The following RAB11FIP2 variants were observed in gnomAD, a reference collection of about 807,000 sequenced individuals.
RAB11FIP2 encodes the protein RAB11 family interacting protein 2.
A neutral mutation model predicts 40.9 loss-of-function variants in RAB11FIP2; 16 were observed. The observed-to-expected ratio is 0.39, with a 90% CI of 0.26 to 0.59. The LOEUF is 0.59. Among genes scored for constraint, RAB11FIP2 ranks in the 20% least tolerant of loss-of-function variants. The probability of loss-of-function intolerance (pLI) is 0.53; values close to 1 mark genes in which losing one functional copy is unlikely to be tolerated. For synonymous variants in RAB11FIP2, 228 were observed against 213.7 expected (o/e 1.07, Z -0.58); for missense variants, 532 against 606.2 (o/e 0.88, Z 1.28).
chr10:118,029,503 C>A (rs1846387955), intron 3 of RAB11FIP2, among the ~76,000 whole-genome samples: 1 of 152,104 alleles, frequency 6.6e-6, no homozygotes, highest in Non-Finnish European at 1.5e-5. Context: ...CAATGTCCAA[C>A]CCTTAATATG....
intron 3 of RAB11FIP2, among the ~76,000 whole-genome samples, chr10:118,024,617 A>C (rs1008919899): frequency 9.2e-5 from 14 of 152,156 alleles, no homozygotes; most frequent in African/African-American, 3.4e-4. Flanking sequence ...CTACGTGATC[A>C]AGACAGACCC....
At chr10:118,024,655 A>G (rs192879427) in intron 3 of RAB11FIP2, among the ~76,000 whole-genome samples, 73 of 152,236 alleles carry the variant, frequency 4.8e-4, no homozygotes, top group Non-Finnish European at 6.9e-4. Context: ...TTTTCCTGCA[A>G]GGAGGGAGTG....
intron 3 of RAB11FIP2, among the ~76,000 whole-genome samples, chr10:118,020,699 T>C (rs914612686): frequency 4.6e-5 from 7 of 152,230 alleles, no homozygotes; most frequent in Admixed American, 3.9e-4. Context: ...CCTGGTGCTG[T>C]ACTATTCCTT....
Position 118,008,919 on chromosome 10 carries a change from T to G in RAB11FIP2, c.*79A>C. 8.6e-7 allele frequency: 1 copy of G among 1,160,036 alleles called. No individual in the cohort carries two copies. The allele number at this position is 1,160,036 out of a possible 1,614,324, so 71.9% of individuals were successfully genotyped here. A position where few individuals can be genotyped will look rare whatever the true frequency, so the allele number is the denominator to read the frequency against. On this transcript the variant is annotated 3_prime_UTR_variant, in exon 5 of 5. Coordinates refer to ENST00000355624, the MANE Select transcript of RAB11FIP2 (RefSeq NM_014904.3). Reference sequence around the variant, plus strand: ...AATGAAACCTGATAGTGTAGTCTCTTTCAGTAACAAGTTTTTCCTTCCTTC... The same window carrying G: ...AATGAAACCTGATAGTGTAGTCTCTGTCAGTAACAAGTTTTTCCTTCCTTC...
Position 118,040,185 on chromosome 10 carries a change from G to A in RAB11FIP2, c.734C>T (p.Thr245Ile). 17 of 1,613,808 alleles carry A rather than the reference G, an allele frequency of 1.1e-5. No individual in the cohort carries two copies. The highest frequency in any genetic ancestry group is 1.4e-5 in the Non-Finnish European group (17 of 1,179,784). ...HMSSEKLKAG[T>I]IGQTHLLGHQ... is the part of the protein sequence containing the mutation. ...TCCGAGAAGATGTGTTTGACCTATGGTGCCAGCCTTCAGTTTCTCAGAAGA... is the reference window on the plus strand; with the variant it reads ...TCCGAGAAGATGTGTTTGACCTATGATGCCAGCCTTCAGTTTCTCAGAAGA... Residue 245 changes from threonine (T) to isoleucine (I), a missense_variant, in exon 2 of 5, where the codon ACC becomes ATC. Transcript: ENST00000355624.
At chr10:118,035,155 G>C (rs904814789) in intron 3 of RAB11FIP2, among the ~76,000 whole-genome samples, 9 of 152,280 alleles carry the variant, frequency 5.9e-5, no homozygotes, top group African/African-American at 2.2e-4. Context: ...CCTGCTTCCT[G>C]AGAGACTGTG....
At chr10:118,014,382 A>G (rs1441368042) in intron 4 of RAB11FIP2, among the ~76,000 whole-genome samples, 1 of 152,190 alleles carries the variant, frequency 6.6e-6, no homozygotes, top group Non-Finnish European at 1.5e-5. Flanking sequence ...ATATTTTGGC[A>G]AAGTAATTTA....
chr10:118,011,382 C>T (rs1480146473), intron 4 of RAB11FIP2, among the ~76,000 whole-genome samples: 1 of 151,446 alleles, frequency 6.6e-6, no homozygotes, highest in East Asian at 1.9e-4. Flanking sequence ...TATAAGTCTA[C>T]ACACATGCGC....
At chr10:118,019,132 T>C (rs1366476284) in intron 3 of RAB11FIP2, among the ~76,000 whole-genome samples, 4 of 152,142 alleles carry the variant, frequency 2.6e-5, no homozygotes, top group African/African-American at 7.2e-5. Flanking sequence ...AATCTTTCAA[T>C]GAGAAGTCAC....
chr10:118,009,676 C>G (rs951064242), intron 4 of RAB11FIP2, among the ~76,000 whole-genome samples: 1 of 152,100 alleles, frequency 6.6e-6, no homozygotes, highest in Non-Finnish European at 1.5e-5. Flanking sequence ...ATATGTTTGG[C>G]TTCTTAGTGA....
intron 3 of RAB11FIP2, among the ~76,000 whole-genome samples, chr10:118,029,897 C>CA (rs1846392162): frequency 6.6e-6 from 1 of 152,100 alleles, no homozygotes; most frequent in Non-Finnish European, 1.5e-5. Flanking sequence ...TATAAAATCT[C>CA]AGACTTGAAG....
intron 3 of RAB11FIP2, among the ~76,000 whole-genome samples, chr10:118,028,259 T>C (rs1256489633): frequency 1.3e-5 from 2 of 151,758 alleles, no homozygotes; most frequent in African/African-American, 2.4e-5. Context: ...AGCTTAAATA[T>C]ATAAAATACA....
chr10:118,031,784 A>G (rs1455444587), intron 3 of RAB11FIP2, among the ~76,000 whole-genome samples: 1 of 152,154 alleles, frequency 6.6e-6, no homozygotes, highest in African/African-American at 2.4e-5. Context: ...TAGAAATAAT[A>G]TTACAGAACA....
At chr10:118,028,940 C>A (rs1160354277) in intron 3 of RAB11FIP2, among the ~76,000 whole-genome samples, 1 of 151,874 alleles carries the variant, frequency 6.6e-6, no homozygotes, top group Non-Finnish European at 1.5e-5. Flanking sequence ...CTATTGTTTT[C>A]ATGCTAACTT....
At chr10:118,024,939 G>A (rs1846326017) in intron 3 of RAB11FIP2, among the ~76,000 whole-genome samples, 1 of 152,132 alleles carries the variant, frequency 6.6e-6, no homozygotes, top group Non-Finnish European at 1.5e-5. Context: ...TCTCTGCAGA[G>A]GCTTCAAGGA....
chr10:118,034,644 A>G (rs571182294), intron 3 of RAB11FIP2, among the ~76,000 whole-genome samples: 1 of 152,262 alleles, frequency 6.6e-6, no homozygotes, highest in Admixed American at 6.5e-5. Context: ...TTATTTGATA[A>G]AGCATGAAAA....
At chr10:118,030,349 T>C (rs113386998) in intron 3 of RAB11FIP2, among the ~76,000 whole-genome samples, 3 of 152,146 alleles carry the variant, frequency 2.0e-5, no homozygotes, top group Non-Finnish European at 4.4e-5. Context: ...ACATGCTGTA[T>C]CTTATATTTG....
intron 4 of RAB11FIP2, 24 bp downstream of exon 4, chr10:118,015,041 C>T (rs375601056): frequency 3.8e-6 from 6 of 1,591,426 alleles, no homozygotes; most frequent in Admixed American, 3.4e-5. Context: ...CTTTGACAAC[C>T]CTCTAACCCC....
chr10:118,045,499 T>A, intron 1 of RAB11FIP2: 1 of 235,514 alleles, frequency 4.2e-6, no homozygotes, highest in Non-Finnish European at 8.3e-6. Flanking sequence ...TATATGAAGT[T>A]CTAGTTGGTC....
Sources: gnomAD v4.1 joint callset for allele counts (sites outside exome capture counted in the v4.1 genomes callset) on GRCh38, gnomAD v4.1.1 for gene constraint, MANE v1.5 for transcripts, NCBI Gene and HGNC (gene_info 2026-07-23, HGNC 2026-07-21) for gene names.